The following PGAP1 variants were observed in gnomAD, a reference collection of about 807,000 sequenced individuals.
PGAP1 encodes post-GPI attachment to proteins inositol deacylase 1.
PGAP1 carries 76 observed loss-of-function variants against 127.0 expected under a neutral mutation model. The ratio of observed to expected loss-of-function variants is 0.60; its 90% CI spans 0.50 to 0.72. The LOEUF (loss-of-function observed/expected upper bound fraction) is 0.72. Among genes scored for constraint, PGAP1 ranks in the 30% least tolerant of loss-of-function variants. The probability of loss-of-function intolerance (pLI) is 0.00; values close to 1 mark genes in which losing one functional copy is unlikely to be tolerated. For synonymous variants in PGAP1, 362 were observed against 366.5 expected (o/e 0.99, Z 0.14); for missense variants, 982 against 1,071.3 (o/e 0.92, Z 1.16).
At position 196,847,999 on chromosome 2, in the gene PGAP1, C is replaced by T; in HGVS notation, c.1900G>A (p.Ala634Thr). The T allele has an allele frequency of 1.2e-6, 2 of 1,602,288 alleles. No homozygotes were observed. The highest frequency in any genetic ancestry group is 1.7e-6 in the Non-Finnish European group (2 of 1,175,824). ...AAAGGATCAACTTTGTATGGTTTGG[C>T]TTCTTTATCCAACATGGTAGCATAT... ...LEYATMLDKE[A>T]KPYKVDPFVI... Residue 634 changes from alanine to threonine, a missense_variant, in exon 21 of 27, where the codon GCC (alanine) becomes ACC (threonine). Ala to Thr is a moderately conservative substitution (Grantham distance 58, BLOSUM62 0). Coordinates refer to ENST00000354764, the MANE Select transcript of PGAP1 (RefSeq NM_024989.4).
At chr2:196,889,048 G>T (rs1490357026) in intron 10 of PGAP1, among the ~76,000 whole-genome samples, 2 of 151,940 alleles carry the variant, frequency 1.3e-5, no homozygotes, top group Non-Finnish European at 2.9e-5. Context: ...AAATTGAAAA[G>T]ATTTTTTTAA....
intron 26 of PGAP1, among the ~76,000 whole-genome samples, chr2:196,842,298 C>T (rs1328771169): frequency 1.3e-5 from 2 of 152,042 alleles, no homozygotes; most frequent in African/African-American, 4.8e-5. Context: ...AAAAGACTCC[C>T]AGAGCAAACA....
At chr2:196,880,634 A>C (rs1701699861) in intron 12 of PGAP1, among the ~76,000 whole-genome samples, 1 of 152,162 alleles carries the variant, frequency 6.6e-6, no homozygotes, top group South Asian at 2.1e-4. Flanking sequence ...CCCAAGTAGT[A>C]AAGAGTTGCT....
chr2:196,846,197 T>C (rs1292588600), intron 22 of PGAP1, among the ~76,000 whole-genome samples, 180 bp from the exon 23 acceptor site: 1 of 152,190 alleles, frequency 6.6e-6, no homozygotes, highest in Non-Finnish European at 1.5e-5. Context: ...TTTTAAGTTC[T>C]GTAATGTATT....
Position 196,913,025 on chromosome 2 carries a change from G to A in PGAP1, c.506C>T (p.Ala169Val). ...KGQEFAPKSV[A>V]IIGHSMGGLV... ...GCCACCCATAGAATGACCAATTATT[G>A]CCACACTTTTTGGAGCAAATTCTTG... Residue 169 changes from alanine to valine, a missense_variant, in exon 4 of 27, where the codon GCA becomes GTA. Physicochemically the swap from Ala to Val is moderately conservative, Grantham distance 64. Coordinates refer to ENST00000354764, the MANE Select transcript of PGAP1 (RefSeq NM_024989.4). 1 of 1,609,436 alleles carries A rather than the reference G, an allele frequency of 6.2e-7. No individual in the cohort carries two copies. Among genetic ancestry groups the A allele is most frequent in the Non-Finnish European group, 8.5e-7 (1 of 1,177,938 alleles).
At chr2:196,922,469 A>G in intron 1 of PGAP1, 5 of 983,400 alleles carry the variant, frequency 5.1e-6, no homozygotes, top group Non-Finnish European at 6.0e-6. Context: ...TCCATTAAAA[A>G]AAAAAAAAAG....
chr2:196,878,424 G>C (rs932277530), intron 13 of PGAP1, among the ~76,000 whole-genome samples: 2 of 152,138 alleles, frequency 1.3e-5, no homozygotes, highest in African/African-American at 2.4e-5. Context: ...CAATTGTGGT[G>C]TCAGGTTGGC....
At chr2:196,863,023 C>T (rs186826427) in intron 20 of PGAP1, among the ~76,000 whole-genome samples, 37 of 152,192 alleles carry the variant, frequency 2.4e-4, no homozygotes, top group Middle Eastern at 3.4e-3. Context: ...GAGATATTAC[C>T]TCACCCTAGT....
At chr2:196,847,422 C>A in intron 21 of PGAP1, 1 of 357,300 alleles carries the variant, frequency 2.8e-6, no homozygotes, top group Non-Finnish European at 5.0e-6. Context: ...TATAGCTTTA[C>A]TAATCTATAT....
chr2:196,906,785 C>A, intron 4 of PGAP1, among the ~76,000 whole-genome samples: 1 of 18,632 alleles, frequency 5.4e-5, no homozygotes, highest in African/African-American at 2.3e-4. Flanking sequence ...AACCAAGGCT[C>A]GAGAACTACG....
At chr2:196,886,252 C>T (rs1701900209) in intron 10 of PGAP1, among the ~76,000 whole-genome samples, 1 of 151,066 alleles carries the variant, frequency 6.6e-6, no homozygotes, top group African/African-American at 2.4e-5. Context: ...CCTCCTCCTC[C>T]TGGGTTCAAG....
intron 1 of PGAP1, among the ~76,000 whole-genome samples, chr2:196,925,693 G>C (rs889834643): frequency 2.6e-5 from 4 of 152,096 alleles, no homozygotes; most frequent in Non-Finnish European, 5.9e-5. Context: ...AACCCAGCGA[G>C]AAAACAAAAA....
intron 15 of PGAP1, 42 bp downstream of exon 15, chr2:196,873,643 A>C: frequency 1.3e-6 from 2 of 1,596,646 alleles, no homozygotes. Context: ...GTAAACATTA[A>C]AGTAAAATCA....
chr2:196,926,446 G>A (rs375743382), intron 1 of PGAP1, 24 bp downstream of exon 1: 74 of 1,613,604 alleles, frequency 4.6e-5, no homozygotes, highest in Non-Finnish European at 6.0e-5. Flanking sequence ...GGAGCGCCCG[G>A]CTGAGGAGAG....
Position 196,885,482 on chromosome 2 carries a change from A to T in PGAP1, c.1221-7T>A, listed in dbSNP as rs989583356. On this transcript the variant is annotated splice_region_variant and splice_polypyrimidine_tract_variant and intron_variant, in intron 11 of 26. Coordinates refer to ENST00000354764, the MANE Select transcript of PGAP1 (RefSeq NM_024989.4). ...TAAATCAACCCCTTGCAGGCTTTGA[A>T]ATAAATATGAAAATATAATTAAAGG... 6.3e-7 allele frequency: 1 copy of T among 1,576,028 alleles called. No individual in the cohort carries two copies. The highest frequency in any genetic ancestry group is 8.7e-7 in the Non-Finnish European group (1 of 1,153,948).
intron 1 of PGAP1, among the ~76,000 whole-genome samples, chr2:196,921,167 T>C (rs2125841286): frequency 7.2e-6 from 1 of 139,486 alleles, no homozygotes; most frequent in African/African-American, 2.6e-5. Context: ...TGCTAATGAC[T>C]AATGAAAACC....
chr2:196,872,994 G>A lies in PGAP1; in HGVS notation c.1585C>T (p.Pro529Ser). ...GTTAGTGAATCTTCATAAGACCAAG[G>A]AATATGAAGTCTATAGATACTGGTT... ...EITSIYRLHI[P>S]WSYEDSLTIA... Residue 529 changes from proline (P) to serine (S), a missense_variant, in exon 17 of 27, where the codon CCT (proline) becomes TCT (serine). Physicochemically the swap from Pro to Ser is moderately conservative, Grantham distance 74. Coordinates refer to ENST00000354764, the MANE Select transcript of PGAP1 (RefSeq NM_024989.4). The A allele has an allele frequency of 9.5e-7, 1 of 1,049,764 alleles. No individual in the cohort carries two copies. Among genetic ancestry groups the A allele is most frequent in the Non-Finnish European group, 1.4e-6 (1 of 711,208 alleles). The allele number at this position is 1,049,764 out of a possible 1,614,324, so 65.0% of individuals were successfully genotyped here.
chr2:196,870,058 T>G (rs1475707082), intron 19 of PGAP1, among the ~76,000 whole-genome samples: 3 of 152,220 alleles, frequency 2.0e-5, no homozygotes, highest in Admixed American at 6.5e-5. Context: ...GTGCAAATTA[T>G]AGTGATGCTA....
At chr2:196,873,424 A>G (rs1559346251) in intron 16 of PGAP1, 104 bp downstream of exon 16, 2 of 809,316 alleles carry the variant, frequency 2.5e-6, no homozygotes, top group South Asian at 3.8e-5. Flanking sequence ...ACTTCACATA[A>G]AAATATATGG....
Sources: allele counts gnomAD v4.1 joint callset (sites outside exome capture counted in the v4.1 genomes callset), GRCh38; gene constraint gnomAD v4.1.1; transcripts MANE v1.5; gene names NCBI Gene and HGNC (gene_info 2026-07-23, HGNC 2026-07-21).